The following EBF1 variants were observed in gnomAD, a reference collection of about 807,000 sequenced individuals.
EBF1 encodes the protein EBF transcription factor 1.
A neutral mutation model predicts 68.4 loss-of-function variants in EBF1; 10 were observed. The ratio of observed to expected loss-of-function variants is 0.15; its 90% CI spans 0.09 to 0.25. The LOEUF is 0.25. Ranked by LOEUF, EBF1 falls within the 10% of genes least tolerant of loss-of-function variation. EBF1 has a pLI of 1.00. For missense variants in EBF1, 509 were observed against 794.4 expected, an observed-to-expected ratio of 0.64 and a Z score of 4.32; for synonymous variants, 298 against 299.8, an observed-to-expected ratio of 0.99 and a Z score of 0.06.
intron 8 of EBF1, among the ~76,000 whole-genome samples, chr5:158,806,506 C>G (rs1015910096): frequency 6.6e-6 from 1 of 152,056 alleles, no homozygotes; most frequent in Non-Finnish European, 1.5e-5. Flanking sequence ...TGGCTCTATG[C>G]TGTCGTGAAT....
intron 9 of EBF1, among the ~76,000 whole-genome samples, chr5:158,777,999 C>T (rs950479551): frequency 3.9e-5 from 6 of 152,086 alleles, no homozygotes; most frequent in Admixed American, 3.3e-4. Flanking sequence ...GTATGAAGTA[C>T]CCCTGAAGAC....
At chr5:158,745,960 A>C (rs562636134) in intron 10 of EBF1, among the ~76,000 whole-genome samples, 2 of 152,278 alleles carry the variant, frequency 1.3e-5, no homozygotes, top group South Asian at 4.1e-4. Context: ...GAGTGTAGGG[A>C]GTGAAAGAGA....
intron 11 of EBF1, among the ~76,000 whole-genome samples, chr5:158,717,305 C>A (rs1478031088): frequency 6.6e-6 from 1 of 151,970 alleles, no homozygotes; most frequent in Non-Finnish European, 1.5e-5. Context: ...AATGATTGAG[C>A]CTTGGATGTT....
In EBF1 at chr5:158,698,846, G is replaced by T; in HGVS notation, c.*265C>A. ...TAAAAAAAAAAAAGAAAAAGAAAAA[G>T]TGGATTTGCTTTTGTCAATACAGAA... is the stretch of plus-strand genomic sequence containing the variant. On this transcript the variant is annotated 3_prime_UTR_variant, in exon 16 of 16. Transcript: ENST00000313708. 2.9e-6 allele frequency: 1 copy of T among 348,264 alleles called. No homozygotes were observed. Among genetic ancestry groups the T allele is most frequent in the Non-Finnish European group, 5.1e-6 (1 of 194,214 alleles). 21.6% of individuals were successfully genotyped at this position (348,264 alleles called of 1,614,324 possible).
At chr5:158,823,845 G>T (rs1319027160) in intron 7 of EBF1, among the ~76,000 whole-genome samples, 1 of 151,886 alleles carries the variant, frequency 6.6e-6, no homozygotes, top group Non-Finnish European at 1.5e-5. Flanking sequence ...ACATTAGTTT[G>T]GTTCATCAGA....
At chr5:159,034,548 G>A (rs935073549) in intron 6 of EBF1, among the ~76,000 whole-genome samples, 2 of 152,164 alleles carry the variant, frequency 1.3e-5, no homozygotes, top group South Asian at 2.1e-4. Context: ...CCAGTGAAGC[G>A]GCTCAGTGAC....
At position 158,923,618 on chromosome 5, in the gene EBF1, C is replaced by T. The variant is rs1808925222; in HGVS notation, c.555-83508G>A. ...GGGAGGTGGGATTTGAAAAAAGCCA[C>T]GTTATACCAAAGGGATATACTATTA... On this transcript the variant is annotated intron_variant, in intron 6 of 15. Coordinates refer to ENST00000313708, the MANE Select transcript of EBF1 (RefSeq NM_024007.5). Among the ~76,000 whole-genome samples the T allele has an allele frequency of 2.0e-5, 3 of 152,246 alleles. No individual in the cohort carries two copies. The South Asian group carries it at 6.2e-4, about 32-fold the overall frequency.
At chr5:158,786,670 C>T (rs1300440735) in intron 9 of EBF1, among the ~76,000 whole-genome samples, 1 of 152,100 alleles carries the variant, frequency 6.6e-6, no homozygotes, top group East Asian at 1.9e-4. Flanking sequence ...AACATCATTC[C>T]CTACTCAGGC....
intron 8 of EBF1, among the ~76,000 whole-genome samples, chr5:158,801,119 T>A (rs1204571807): frequency 6.6e-6 from 1 of 151,862 alleles, no homozygotes; most frequent in African/African-American, 2.4e-5. Flanking sequence ...GTAGAGGAGA[T>A]TTTCCTTCCT....
At chr5:159,089,319 A>T (rs1314997772) in intron 4 of EBF1, among the ~76,000 whole-genome samples, 1 of 152,194 alleles carries the variant, frequency 6.6e-6, no homozygotes, top group South Asian at 2.1e-4. Flanking sequence ...TAAACGCTCA[A>T]TTATAAAGTA....
At chr5:158,740,795 A>T (rs1018852479) in intron 10 of EBF1, among the ~76,000 whole-genome samples, 11 of 152,218 alleles carry the variant, frequency 7.2e-5, no homozygotes, top group Non-Finnish European at 1.6e-4. Context: ...GATCCTAAGA[A>T]GTCTCCTCCC....
intron 1 of EBF1, among the ~76,000 whole-genome samples, chr5:159,098,027 C>T (rs537570084): frequency 6.6e-6 from 1 of 152,370 alleles, no homozygotes; most frequent in East Asian, 1.9e-4. Context: ...ACCACCCACC[C>T]CCATCCTAAT....
At chr5:158,921,382 C>T (rs767579530) in intron 6 of EBF1, among the ~76,000 whole-genome samples, 1 of 152,208 alleles carries the variant, frequency 6.6e-6, no homozygotes, top group Non-Finnish European at 1.5e-5. Flanking sequence ...AGTTATACAA[C>T]CAGCTGACAC....
chr5:158,703,826 C>A (rs368378998), intron 15 of EBF1, among the ~76,000 whole-genome samples: 1 of 152,132 alleles, frequency 6.6e-6, no homozygotes, highest in African/African-American at 2.4e-5. Context: ...CCCACTTGTT[C>A]CTCCTTGAGC....
At chr5:158,702,862 C>T (rs1039540644) in intron 15 of EBF1, among the ~76,000 whole-genome samples, 1 of 150,694 alleles carries the variant, frequency 6.6e-6, no homozygotes. Context: ...AATGACGATT[C>T]CATAGGATTT....
chr5:159,096,934 C>T (rs755548657), intron 2 of EBF1, 40 bp downstream of exon 2: 3 of 1,605,800 alleles, frequency 1.9e-6, no homozygotes, highest in East Asian at 2.2e-5. Flanking sequence ...GCTCCCGAGC[C>T]GAGCCGGGGA....
At chr5:158,864,500 G>A (rs1180089053) in intron 6 of EBF1, among the ~76,000 whole-genome samples, 1 of 152,072 alleles carries the variant, frequency 6.6e-6, no homozygotes, top group Admixed American at 6.6e-5. Context: ...CCTGACAAAT[G>A]GTTGCCCCAG....
intron 6 of EBF1, among the ~76,000 whole-genome samples, chr5:158,999,381 T>A (rs1051979419): frequency 2.0e-5 from 3 of 152,242 alleles, no homozygotes; most frequent in Admixed American, 6.5e-5. Flanking sequence ...AGTTGTTAAG[T>A]CTTTTAGAGA....
At chr5:158,968,740 A>G (rs1754693112) in intron 6 of EBF1, among the ~76,000 whole-genome samples, 1 of 152,230 alleles carries the variant, frequency 6.6e-6, no homozygotes, top group South Asian at 2.1e-4. Context: ...AAACAACTTC[A>G]AAAATCATTT....
Sources: allele counts gnomAD v4.1 joint callset (sites outside exome capture counted in the v4.1 genomes callset), GRCh38; gene constraint gnomAD v4.1.1; transcripts MANE v1.5; gene names NCBI Gene and HGNC (gene_info 2026-07-23, HGNC 2026-07-21).